Variants in KCNH7 observed in about 807,000 individuals in gnomAD.
KCNH7 encodes voltage-gated inwardly rectifying potassium channel KCNH7.
In KCNH7, 49 loss-of-function variants were observed where a neutral mutation model predicts 120.8. The ratio of observed to expected loss-of-function variants is 0.41; its 90% CI spans 0.32 to 0.51. The LOEUF (loss-of-function observed/expected upper bound fraction) is 0.51. Ranked by LOEUF, KCNH7 falls within the 20% of genes least tolerant of loss-of-function variation. The probability of loss-of-function intolerance (pLI) is 0.38; values close to 1 mark genes in which losing one functional copy is unlikely to be tolerated. For synonymous variants in KCNH7, 547 were observed against 516.1 expected, an observed-to-expected ratio of 1.06 and a Z score of -0.81; for missense variants, 1,097 against 1,446.6, an observed-to-expected ratio of 0.76 and a Z score of 3.92.
intron 2 of KCNH7, among the ~76,000 whole-genome samples, chr2:162,621,869 T>C (rs2105196315): frequency 6.6e-6 from 1 of 152,308 alleles, no homozygotes; most frequent in East Asian, 1.9e-4. Context: ...ATTCTCTGTA[T>C]CATCATTAGT....
chr2:162,538,642 T>C (rs534042696), intron 2 of KCNH7, among the ~76,000 whole-genome samples: 1 of 152,158 alleles, frequency 6.6e-6, no homozygotes, highest in East Asian at 1.9e-4. Context: ...GAAAACTCTT[T>C]CCTTTCTTCT....
intron 2 of KCNH7, among the ~76,000 whole-genome samples, chr2:162,781,980 T>A (rs980353536): frequency 1.3e-5 from 2 of 152,226 alleles, no homozygotes; most frequent in Non-Finnish European, 2.9e-5. Context: ...GACTGGAATT[T>A]AGGTTTTTCT....
Position 162,739,296 on chromosome 2 carries a change from T to C in KCNH7, c.307+97241A>G, listed in dbSNP as rs185339481. On this transcript the variant is annotated intron_variant, in intron 2 of 15. Transcript: ENST00000332142. ...CACCATGCTTCAAATTCCTGCTAAA[T>C]GGCCAAGGACTACCTCCCAGCTGAT... Among the ~76,000 whole-genome samples, 45 of 152,284 alleles carry C rather than the reference T, an allele frequency of 3.0e-4. 1 individual carries two copies. In the East Asian group the frequency reaches 8.3e-3, roughly 28 times the overall value.
chr2:162,775,916 T>C (rs2105481609), intron 2 of KCNH7, among the ~76,000 whole-genome samples: 1 of 152,340 alleles, frequency 6.6e-6, no homozygotes, highest in South Asian at 2.1e-4. Flanking sequence ...CTTTACTAGC[T>C]ATGTAAACTT....
intron 2 of KCNH7, among the ~76,000 whole-genome samples, chr2:162,592,680 C>CTT (rs1356359279): frequency 5.9e-5 from 9 of 152,136 alleles, no homozygotes; most frequent in Non-Finnish European, 1.5e-5. Context: ...GAATTTAGCA[C>CTT]TACTTTATTC....
At position 162,372,036 on chromosome 2, in the gene KCNH7, A is replaced by G; in HGVS notation, c.3384T>C (p.Ser1128=). The change falls in exon 16 of 16, where the codon AGT becomes AGC. Residue 1128 remains serine (S), a synonymous_variant. Coordinates refer to ENST00000332142, the MANE Select transcript of KCNH7 (RefSeq NM_033272.4). ...SKLKSKESLS[S]GVHLNTASED... ...CTGAAGCTGTGTTCAGATGCACCCC[A>G]CTTGAAAGGGATTCTTTGGATTTAA... is the stretch of plus-strand genomic sequence containing the variant. 2 of 1,613,240 alleles carry G rather than the reference A, an allele frequency of 1.2e-6. No homozygotes were observed. Among genetic ancestry groups the G allele is most frequent in the Non-Finnish European group, 1.7e-6 (2 of 1,179,360 alleles).
At chr2:162,617,140 C>T (rs982700685) in intron 2 of KCNH7, among the ~76,000 whole-genome samples, 15 of 152,232 alleles carry the variant, frequency 9.9e-5, no homozygotes, top group African/African-American at 3.6e-4. Context: ...TGAAGAAGCA[C>T]AGCTGAGATG....
At chr2:162,381,157 G>A (rs1379502710) in intron 13 of KCNH7, among the ~76,000 whole-genome samples, 3 of 151,962 alleles carry the variant, frequency 2.0e-5, no homozygotes, top group Non-Finnish European at 4.4e-5. Context: ...TCTAAAACTG[G>A]TGTTCATTTT....
At chr2:162,642,771 C>A (rs969373224) in intron 2 of KCNH7, among the ~76,000 whole-genome samples, 1 of 152,212 alleles carries the variant, frequency 6.6e-6, no homozygotes, top group Non-Finnish European at 1.5e-5. Context: ...TCCACATCAT[C>A]ATGCAGCTGT....
chr2:162,464,649 G>A (rs1309462773), intron 6 of KCNH7, among the ~76,000 whole-genome samples: 1 of 152,068 alleles, frequency 6.6e-6, no homozygotes, highest in African/African-American at 2.4e-5. Context: ...AGCTAAAACT[G>A]CTGCATTTAC....
intron 2 of KCNH7, among the ~76,000 whole-genome samples, chr2:162,657,069 G>A (rs1020173007): frequency 3.4e-4 from 51 of 152,080 alleles, no homozygotes; most frequent in African/African-American, 8.5e-4. Flanking sequence ...GGAGCAGAAC[G>A]TACACACAAG....
intron 2 of KCNH7, among the ~76,000 whole-genome samples, chr2:162,772,301 A>G (rs1252196761): frequency 6.6e-6 from 1 of 152,186 alleles, no homozygotes; most frequent in Non-Finnish European, 1.5e-5. Context: ...GAGGTAAGCT[A>G]TACTTTTTTA....
At position 162,408,790 on chromosome 2, in the gene KCNH7, G is replaced by A. The variant is rs556531184; in HGVS notation, c.2155-8349C>T. On this transcript the variant is annotated intron_variant, in intron 9 of 15. Transcript: ENST00000332142. ...AGAAATTTTATAGTCACTAAACTCT[G>A]ATTATAATCCAAGAAATAAGGAAAA... 2.1e-3 allele frequency among the ~76,000 whole-genome samples: 325 copies of A among 151,826 alleles called. 12 individuals are homozygous for A. The South Asian group carries it at 0.067, about 31-fold the overall frequency.
At chr2:162,757,548 C>CA (rs777209188) in intron 2 of KCNH7, among the ~76,000 whole-genome samples, 17 of 152,026 alleles carry the variant, frequency 1.1e-4, no homozygotes, top group African/African-American at 2.2e-4. Context: ...GTAATCCCCA[C>CA]AAAAAAATGT....
intron 2 of KCNH7, among the ~76,000 whole-genome samples, chr2:162,589,508 G>C (rs1025581590): frequency 3.3e-5 from 5 of 151,058 alleles, no homozygotes; most frequent in African/African-American, 1.2e-4. Context: ...AACAGAAATT[G>C]AATAATTTTT....
intron 2 of KCNH7, among the ~76,000 whole-genome samples, chr2:162,688,952 A>G (rs546064647): frequency 1.3e-5 from 2 of 151,794 alleles, no homozygotes; most frequent in South Asian, 4.2e-4. Flanking sequence ...CAATTTTCTT[A>G]TCTGTTAAAG....
At position 162,772,776 on chromosome 2, in the gene KCNH7, A is replaced by C. The variant is rs139268734; in HGVS notation, c.307+63761T>G. Among the ~76,000 whole-genome samples, 307 of 152,348 alleles carry C rather than the reference A, an allele frequency of 2.0e-3. 6 individuals carry two copies. The East Asian group carries it at 0.028, about 14-fold the overall frequency. ...CCCTCTTTCTTTCTCCCACTTCAAC[A>C]AATTCAATGCATTAAACATTCATTT... On this transcript the variant is annotated intron_variant, in intron 2 of 15. Coordinates refer to ENST00000332142, the MANE Select transcript of KCNH7 (RefSeq NM_033272.4).
chr2:162,393,386 A>T (rs1686801188), intron 12 of KCNH7, among the ~76,000 whole-genome samples: 1 of 151,994 alleles, frequency 6.6e-6, no homozygotes, highest in African/African-American at 2.4e-5. Context: ...ATATACTTAA[A>T]TGATGGGCAT....
intron 6 of KCNH7, among the ~76,000 whole-genome samples, chr2:162,455,440 T>A (rs1005612546): frequency 4.6e-5 from 7 of 152,204 alleles, no homozygotes. Flanking sequence ...ATCAGGATGA[T>A]TCTGGCCCCA....
Sources: gnomAD v4.1 joint callset for allele counts (sites outside exome capture counted in the v4.1 genomes callset) on GRCh38, gnomAD v4.1.1 for gene constraint, MANE v1.5 for transcripts, NCBI Gene and HGNC (gene_info 2026-07-23, HGNC 2026-07-21) for gene names.